TCF20: variants seen among roughly 807,000 people sequenced by gnomAD.
TCF20 encodes the protein SPRE-binding protein.
A neutral mutation model predicts 148.6 loss-of-function variants in TCF20; 3 were observed. That is an observed-to-expected ratio of 0.02 (90% CI 0.01 to 0.05). The LOEUF is 0.05. TCF20 is among the 10% of genes least tolerant of loss of function. The pLI, the probability that TCF20 is intolerant of heterozygous loss-of-function variation, is 1.00. For missense variants in TCF20, 2,350 were observed against 2,429.3 expected, an observed-to-expected ratio of 0.97 and a Z score of 0.69; for synonymous variants, 1,049 against 909.5, an observed-to-expected ratio of 1.15 and a Z score of -2.76.
intron 1 of TCF20, among the ~76,000 whole-genome samples, chr22:42,294,626 G>A (rs1044020116): frequency 6.6e-6 from 1 of 152,196 alleles, no homozygotes; most frequent in South Asian, 2.1e-4. Flanking sequence ...TTTCAACAGC[G>A]GCCACTGATG....
chr22:42,335,170 G>C (rs771682564), intron 1 of TCF20, among the ~76,000 whole-genome samples: 20 of 152,020 alleles, frequency 1.3e-4, no homozygotes, highest in Non-Finnish European at 2.4e-4. Flanking sequence ...CCCCCACCAG[G>C]CAAGAGGGGT....
chr22:42,170,963 T>A (rs148436379), intron 3 of TCF20, among the ~76,000 whole-genome samples: 1 of 152,194 alleles, frequency 6.6e-6, no homozygotes, highest in East Asian at 1.9e-4. Flanking sequence ...CACAGAAGCC[T>A]CCAACACAAA....
chr22:42,190,555 A>G (rs1258243835), intron 2 of TCF20, among the ~76,000 whole-genome samples: 1 of 152,182 alleles, frequency 6.6e-6, no homozygotes, highest in Non-Finnish European at 1.5e-5. Flanking sequence ...TGTGGAATGG[A>G]TGGTCCCTTG....
At position 42,160,663 on chromosome 22, in the gene TCF20, A is replaced by G. The variant is rs1457980993; in HGVS notation, c.*740T>C. 1 of 152,534 alleles carries G rather than the reference A, an allele frequency of 6.6e-6. No individual in the cohort carries two copies. Among genetic ancestry groups the G allele is most frequent in the Non-Finnish European group, 1.5e-5 (1 of 68,004 alleles). 9.4% of individuals were successfully genotyped at this position (152,534 alleles called of 1,614,324 possible). On this transcript the variant is annotated 3_prime_UTR_variant, in exon 6 of 6. Coordinates refer to ENST00000677622, the MANE Select transcript of TCF20 (RefSeq NM_001378418.1). Reference sequence around the variant, plus strand: ...ATTAAAAAAAAAAAACCATAAATAAATAGTGTTTCTGGAAATGAAAAAAAA... The same window carrying G: ...ATTAAAAAAAAAAAACCATAAATAAGTAGTGTTTCTGGAAATGAAAAAAAA...
intron 1 of TCF20, among the ~76,000 whole-genome samples, chr22:42,221,236 C>T (rs767098077): frequency 2.6e-5 from 4 of 152,174 alleles, no homozygotes; most frequent in African/African-American, 9.7e-5. Context: ...CATGAGCTCA[C>T]GAGAACCATT....
intron 2 of TCF20, among the ~76,000 whole-genome samples, chr22:42,196,216 G>A (rs765545518): frequency 1.3e-5 from 2 of 152,214 alleles, no homozygotes; most frequent in Non-Finnish European, 2.9e-5. Context: ...TTGACCCATG[G>A]GTGCTAAGTG....
intron 2 of TCF20, among the ~76,000 whole-genome samples, chr22:42,198,498 A>G (rs977715453): frequency 6.6e-6 from 1 of 152,262 alleles, no homozygotes; most frequent in African/African-American, 2.4e-5. Flanking sequence ...GTATTTGTAT[A>G]TAAGCTAAGC....
chr22:42,286,454 T>G (rs1329976625), upstream of TCF20, among the ~76,000 whole-genome samples: 1 of 152,226 alleles, frequency 6.6e-6, no homozygotes, highest in Non-Finnish European at 1.5e-5. Flanking sequence ...GAGCCACACA[T>G]GCTCCACCTG....
chr22:42,166,634 G>C (rs116395400), intron 5 of TCF20, among the ~76,000 whole-genome samples: 3,763 of 149,792 alleles, frequency 0.025, 161 homozygotes, highest in African/African-American at 0.088. Context: ...AAAGAGTCAA[G>C]GGCCCTGACA....
intron 1 of TCF20, among the ~76,000 whole-genome samples, chr22:42,283,475 C>T (rs929019454): frequency 2.8e-4 from 43 of 152,272 alleles, no homozygotes; most frequent in East Asian, 7.7e-4. Context: ...CTGCCCTTCA[C>T]GCCCCTGCTG....
chr22:42,222,684 C>G (rs1202696125), intron 1 of TCF20, among the ~76,000 whole-genome samples: 1 of 152,054 alleles, frequency 6.6e-6, no homozygotes, highest in African/African-American at 2.4e-5. Context: ...TTCTTAAGAG[C>G]TCTTAGAATG....
intron 1 of TCF20, among the ~76,000 whole-genome samples, chr22:42,232,147 C>G (rs1923474412): frequency 6.6e-6 from 1 of 152,120 alleles, no homozygotes; most frequent in South Asian, 2.1e-4. Flanking sequence ...TGTACCTTCT[C>G]TATGTTTAGA....
intron 1 of TCF20, among the ~76,000 whole-genome samples, chr22:42,227,238 T>C (rs1168073945): frequency 6.6e-6 from 1 of 152,138 alleles, no homozygotes; most frequent in African/African-American, 2.4e-5. Flanking sequence ...GATCGTTCCA[T>C]TGCACTCCAG....
In TCF20 at chr22:42,168,742, A is replaced by C. The variant is rs746195498; in HGVS notation, c.5800-6T>G. On this transcript the variant is annotated splice_polypyrimidine_tract_variant and splice_region_variant and intron_variant, in intron 4 of 5. Coordinates refer to ENST00000677622, the MANE Select transcript of TCF20 (RefSeq NM_001378418.1). ...AGAGGGCACGGAAGGGGAGGCTGAC[A>C]CGGGCAAAACCAAGAGGAGACAGAC... is the stretch of plus-strand genomic sequence containing the variant. 6.8e-6 allele frequency: 11 copies of C among 1,606,230 alleles called. No individual in the cohort carries two copies. The highest frequency in any genetic ancestry group is 9.3e-6 in the Non-Finnish European group (11 of 1,176,558).
intron 1 of TCF20, among the ~76,000 whole-genome samples, chr22:42,334,822 C>T (rs1385870201): frequency 1.3e-5 from 2 of 152,204 alleles, no homozygotes; most frequent in Non-Finnish European, 2.9e-5. Context: ...GCCCCAAGCA[C>T]GTGGGCTCCT....
intron 1 of TCF20, among the ~76,000 whole-genome samples, chr22:42,216,079 CTTTTTTTTTTTTTTTTT>C (rs759118027): frequency 2.0e-5 from 1 of 50,564 alleles, no homozygotes; most frequent in South Asian, 1.1e-3. Context: ...AAACCAAATC[CTTTTTTTTTTTTTTTTT>C]TTTTTTTTTT....
rs892679024 is a variant in TCF20, at chr22:42,307,100, C to G, written c.-37+36379G>C. ...GGGCAGCCAGGGCCGGGCACCAACC[C>G]GAGCCATCTGGTGGCAATGGTGGGC... is the stretch of plus-strand genomic sequence containing the variant. On this transcript the variant is annotated intron_variant, in intron 1 of 1. Coordinates refer to the TCF20 transcript ENST00000515426. Among the ~76,000 whole-genome samples, 4 of 151,512 alleles carry G rather than the reference C, an allele frequency of 2.6e-5. No individual in the cohort carries two copies. In the East Asian group the frequency reaches 5.8e-4, roughly 22 times the overall value.
At chr22:42,324,318 T>C (rs907287920) in intron 1 of TCF20, among the ~76,000 whole-genome samples, 12 of 151,712 alleles carry the variant, frequency 7.9e-5, no homozygotes, top group Admixed American at 7.2e-4. Context: ...CCAGTGAGGG[T>C]AAAAGGTAAA....
At chr22:42,333,595 G>A (rs964779078) in intron 1 of TCF20, among the ~76,000 whole-genome samples, 7 of 152,362 alleles carry the variant, frequency 4.6e-5, no homozygotes, top group Admixed American at 1.3e-4. Context: ...AGGCAAAGGG[G>A]TAAAGGTGTA....
Sources: gnomAD v4.1 joint callset for allele counts (sites outside exome capture counted in the v4.1 genomes callset) on GRCh38, gnomAD v4.1.1 for gene constraint, MANE v1.5 for transcripts, NCBI Gene and HGNC (gene_info 2026-07-23, HGNC 2026-07-21) for gene names.